The following CEP350 variants were observed in gnomAD, a reference collection of about 807,000 sequenced individuals.
CEP350 encodes the protein centrosome-associated protein 350.
CEP350 carries 126 observed loss-of-function variants against 331.8 expected under a neutral mutation model. The observed-to-expected ratio is 0.38, with a 90% CI of 0.33 to 0.44. The LOEUF (loss-of-function observed/expected upper bound fraction) is 0.44. Among genes scored for constraint, CEP350 ranks in the 20% least tolerant of loss-of-function variants. The pLI, the probability that CEP350 is intolerant of heterozygous loss-of-function variation, is 1.00. For missense variants in CEP350, 3,406 were observed against 3,634.6 expected, an observed-to-expected ratio of 0.94 and a Z score of 1.62; for synonymous variants, 1,200 against 1,259.5, an observed-to-expected ratio of 0.95 and a Z score of 1.00.
At chr1:180,017,365 A>ATTTACTTAT (rs1166082531) in intron 11 of CEP350, among the ~76,000 whole-genome samples, 2 of 152,072 alleles carry the variant, frequency 1.3e-5, no homozygotes, top group Non-Finnish European at 2.9e-5. Flanking sequence ...GCTTCTATTT[A>ATTTACTTAT]TTTACTTATT....
intron 21 of CEP350, among the ~76,000 whole-genome samples, chr1:180,046,526 GTAA>G (rs1657132031): frequency 6.6e-6 from 1 of 152,122 alleles, no homozygotes; most frequent in Admixed American, 6.5e-5. Context: ...ACTATTATAA[GTAA>G]TGCTGTGAAC....
At chr1:180,063,046 T>C (rs1322829001) in intron 26 of CEP350, among the ~76,000 whole-genome samples, 2 of 152,202 alleles carry the variant, frequency 1.3e-5, no homozygotes, top group East Asian at 3.8e-4. Flanking sequence ...GCTTTGCTCT[T>C]ATTTATCAAT....
At chr1:180,007,839 C>T (rs1487786181) in intron 8 of CEP350, among the ~76,000 whole-genome samples, 1 of 141,010 alleles carries the variant, frequency 7.1e-6, no homozygotes, top group Middle Eastern at 3.6e-3. Context: ...TTTTATGTAT[C>T]GTGTGTGTGT....
At chr1:179,957,612 TA>T (rs1389034363) in intron 1 of CEP350, among the ~76,000 whole-genome samples, 1 of 152,168 alleles carries the variant, frequency 6.6e-6, no homozygotes, top group African/African-American at 2.4e-5. Context: ...AGTCCCAGAA[TA>T]ATATTTTAAA....
intron 14 of CEP350, 54 bp from the exon 15 acceptor site, chr1:180,031,266 C>T (rs957745006): frequency 6.9e-6 from 7 of 1,014,958 alleles, no homozygotes; most frequent in Non-Finnish European, 1.1e-5. Flanking sequence ...TCAATTATCT[C>T]TCTCAATAAC....
chr1:180,024,580 A>G lies in CEP350; in HGVS notation c.3548A>G (p.Glu1183Gly). Residue 1183 changes from glutamate (E) to glycine (G), a missense_variant and splice_region_variant, in exon 14 of 38, where the codon GAA becomes GGA. Coordinates refer to ENST00000367607, the MANE Select transcript of CEP350 (RefSeq NM_014810.5). ...AAGAAAGGAAAAAAGGAAAAGACAG[A>G]ATGTAAGTGGAATTCCACATGGTAA... ...KGKKGKKEKTEWLDSFTGNVQ... is the reference protein window; with the variant it reads ...KGKKGKKEKTGWLDSFTGNVQ... 6.2e-7 allele frequency: 1 copy of G among 1,607,622 alleles called. No individual in the cohort carries two copies. Among genetic ancestry groups the G allele is most frequent in the Admixed American group, 1.7e-5 (1 of 59,344 alleles).
intron 22 of CEP350, among the ~76,000 whole-genome samples, chr1:180,049,914 G>A (rs1238653472): frequency 6.6e-6 from 1 of 152,190 alleles, no homozygotes; most frequent in African/African-American, 2.4e-5. Flanking sequence ...GTGGGCCTCA[G>A]GCATTGAATT....
At chr1:180,068,909 A>C (rs895627867) in intron 27 of CEP350, among the ~76,000 whole-genome samples, 13 of 152,164 alleles carry the variant, frequency 8.5e-5, no homozygotes, top group African/African-American at 2.9e-4. Flanking sequence ...CAGAAAAGAG[A>C]AATTCTTACT....
In CEP350 at chr1:180,092,883, GAAAT is replaced by G; in HGVS notation, c.6780_6783del (p.Ile2261SerfsTer5). ...ATCTAGTAAAAAATCAGAAATAAAAGAAATAGAGTATACAAAATTGAAGAAGAGT... is the reference window on the plus strand; with the variant it reads ...ATCTAGTAAAAAATCAGAAATAAAAGAGAGTATACAAAATTGAAGAAGAGT... On this transcript the variant is annotated frameshift_variant, in exon 34 of 38. Coordinates refer to ENST00000367607, the MANE Select transcript of CEP350 (RefSeq NM_014810.5). LOFTEE classifies it high-confidence loss of function. 1 of 1,568,606 alleles carries G rather than the reference GAAAT, an allele frequency of 6.4e-7. No homozygotes were observed. The highest frequency in any genetic ancestry group is 8.7e-7 in the Non-Finnish European group (1 of 1,155,404).
chr1:180,093,213 C>T lies in CEP350; in HGVS notation c.7108C>T (p.Pro2370Ser). ...GTCTTGGTCAGAACATCTTTTTGCT[C>T]CTAAAGAGATACCATACTCTGAAGA... ...DLSWSEHLFAPKEIPYSEDFE... is the reference protein window; with the variant it reads ...DLSWSEHLFASKEIPYSEDFE... Residue 2370 changes from proline to serine, a missense_variant, in exon 34 of 38, where the codon CCT becomes TCT. Around this residue, in one of 5 missense-constraint regions of CEP350, gnomAD observed 1,415 missense variants for 1,512.3 expected, o/e 0.94. Transcript: ENST00000367607. 6.2e-7 allele frequency: 1 copy of T among 1,600,956 alleles called. No homozygotes were observed. The highest frequency in any genetic ancestry group is 8.5e-7 in the Non-Finnish European group (1 of 1,172,864).
At chr1:180,079,628 TATAG>T (rs1372803729) in intron 29 of CEP350, among the ~76,000 whole-genome samples, 5 of 151,976 alleles carry the variant, frequency 3.3e-5, no homozygotes, top group African/African-American at 9.7e-5. Flanking sequence ...ATTAGACTTA[TATAG>T]ATAATTTACT....
At chr1:180,058,531 A>G (rs1657994374) in intron 25 of CEP350, among the ~76,000 whole-genome samples, 1 of 152,232 alleles carries the variant, frequency 6.6e-6, no homozygotes, top group Non-Finnish European at 1.5e-5. Context: ...AAAAAACCAC[A>G]TATAGAAATG....
At chr1:179,972,438 G>C (rs758958077) in intron 1 of CEP350, among the ~76,000 whole-genome samples, 57 of 152,236 alleles carry the variant, frequency 3.7e-4, no homozygotes, top group Non-Finnish European at 8.1e-4. Flanking sequence ...CAAGGGAAAA[G>C]AGTATGTATG....
chr1:179,973,163 G>A (rs1167111477), intron 1 of CEP350, among the ~76,000 whole-genome samples: 1 of 152,106 alleles, frequency 6.6e-6, no homozygotes, highest in East Asian at 1.9e-4. Flanking sequence ...CACCTCTCCC[G>A]GCCGCAATAG....
At chr1:180,016,736 A>C (rs907602767) in intron 11 of CEP350, among the ~76,000 whole-genome samples, 1 of 138,710 alleles carries the variant, frequency 7.2e-6, no homozygotes, top group African/African-American at 2.7e-5. Context: ...GTCTTGGTTC[A>C]CTGCAACCTC....
At chr1:179,970,470 A>G (rs1651359994) in intron 1 of CEP350, among the ~76,000 whole-genome samples, 1 of 151,804 alleles carries the variant, frequency 6.6e-6, no homozygotes. Context: ...TACTAAATTT[A>G]CCATTTGTCC....
Position 180,112,036 on chromosome 1 carries a change from C to G in CEP350, c.*875C>G, listed in dbSNP as rs902618268. The G allele has an allele frequency of 2.6e-5, 4 of 152,648 alleles. No homozygotes were observed. Among genetic ancestry groups the G allele is most frequent in the African/African-American group, 4.8e-5 (2 of 41,458 alleles). The allele number at this position is 152,648 out of a possible 1,614,324, so 9.5% of individuals were successfully genotyped here. ...TTCATTTTGGCCTGCAAACCTTCAACTCCCATCTTTCCCCAAGAAGTCAGA... is the reference window on the plus strand; with the variant it reads ...TTCATTTTGGCCTGCAAACCTTCAAGTCCCATCTTTCCCCAAGAAGTCAGA... On this transcript the variant is annotated 3_prime_UTR_variant, in exon 38 of 38. Coordinates refer to ENST00000367607, the MANE Select transcript of CEP350 (RefSeq NM_014810.5).
intron 13 of CEP350, 96 bp downstream of exon 13, chr1:180,022,944 T>A: frequency 1.8e-6 from 2 of 1,103,930 alleles, no homozygotes; most frequent in African/African-American, 1.6e-5. Context: ...TTTGCTCATT[T>A]AAAAATACAT....
At chr1:180,108,751 T>C (rs952074568) in intron 37 of CEP350, among the ~76,000 whole-genome samples, 4 of 152,180 alleles carry the variant, frequency 2.6e-5, no homozygotes, top group Non-Finnish European at 4.4e-5. Flanking sequence ...CAAATAAATA[T>C]AGGAAACGCT....
Sources: gnomAD v4.1 joint callset for allele counts (sites outside exome capture counted in the v4.1 genomes callset) on GRCh38, gnomAD v4.1.1 for gene constraint, gnomAD v4.1.1 regional missense constraint, MANE v1.5 for transcripts, NCBI Gene and HGNC (gene_info 2026-07-23, HGNC 2026-07-21) for gene names.